Variants in CDH16 observed in about 807,000 individuals in gnomAD.
CDH16 encodes the protein cadherin-16.
CDH16 carries 79 observed loss-of-function variants against 87.6 expected under a neutral mutation model. That is an observed-to-expected ratio of 0.90 (90% CI 0.75 to 1.09). The LOEUF (loss-of-function observed/expected upper bound fraction) is 1.09, where lower values mean the gene tolerates loss of function less well. Ranked by LOEUF, CDH16 falls within the 50% of genes least tolerant of loss-of-function variation. The pLI is 0.00. For missense variants in CDH16, 1,124 were observed against 1,071.7 expected (o/e 1.05, Z -0.68); for synonymous variants, 457 against 439.5 (o/e 1.04, Z -0.50).
At chr16:66,914,031 C>T (rs908452619) in intron 7 of CDH16, among the ~76,000 whole-genome samples, 185 bp downstream of exon 7, 1 of 152,184 alleles carries the variant, frequency 6.6e-6, no homozygotes, top group Non-Finnish European at 1.5e-5. Flanking sequence ...GCAGAGCAGG[C>T]GAGGGGCTGT....
chr16:66,914,478 G>T, intron 6 of CDH16, 66 bp from the exon 7 acceptor site: 1 of 1,213,944 alleles, frequency 8.2e-7, no homozygotes. Flanking sequence ...ATCATTCTCA[G>T]CAAGATACCA....
chr16:66,915,026 T>C (rs910459729), intron 6 of CDH16, among the ~76,000 whole-genome samples, 194 bp downstream of exon 6: 1 of 152,100 alleles, frequency 6.6e-6, no homozygotes, highest in Non-Finnish European at 1.5e-5. Flanking sequence ...AGGCCCTCCA[T>C]TCACACCATT....
At chr16:66,918,225 G>C (rs779495047) in intron 1 of CDH16, 147 bp from the exon 2 acceptor site, 63 of 552,238 alleles carry the variant, frequency 1.1e-4, no homozygotes, top group Non-Finnish European at 9.8e-5. Context: ...CTGCAGGGTA[G>C]TGCCCTGCTC....
Position 66,910,102 on chromosome 16 carries a change from A to G in CDH16, c.2168-9T>C. ...GAGGTAGGCATGGGAACCTTTTGGG[A>G]CAGCAGGCAAAGACCAGGGTCACCA... On this transcript the variant is annotated splice_polypyrimidine_tract_variant and intron_variant, in intron 15 of 17. Coordinates refer to ENST00000299752, the MANE Select transcript of CDH16 (RefSeq NM_004062.4). 1 of 1,605,408 alleles carries G rather than the reference A, an allele frequency of 6.2e-7. No individual in the cohort carries two copies. Among genetic ancestry groups the G allele is most frequent in the Non-Finnish European group, 8.5e-7 (1 of 1,175,198 alleles).
At position 66,913,597 on chromosome 16, in the gene CDH16, C is replaced by T; in HGVS notation, c.797G>A (p.Gly266Asp). 1 of 1,614,064 alleles carries T rather than the reference C, an allele frequency of 6.2e-7. No homozygotes were observed. The highest frequency in any genetic ancestry group is 8.5e-7 in the Non-Finnish European group (1 of 1,179,974). The change falls in exon 8 of 18, where the codon GGT becomes GAT. Residue 266 changes from glycine to aspartate, a missense_variant. Coordinates refer to ENST00000299752, the MANE Select transcript of CDH16 (RefSeq NM_004062.4). Reference sequence around the variant, plus strand: ...GCTCTCCAGGTGATAGTGCACATCACCCCCACTCCAGTGTACCTGGGGGGG... The same window carrying T: ...GCTCTCCAGGTGATAGTGCACATCATCCCCACTCCAGTGTACCTGGGGGGG... ...HHMAQVHWSG[G>D]DVHYHLESHP...
In CDH16 at chr16:66,918,004, G is replaced by A; in HGVS notation, c.45+17C>T. The A allele has an allele frequency of 6.4e-7, 1 of 1,568,088 alleles. No individual in the cohort carries two copies. Among genetic ancestry groups the A allele is most frequent in the Non-Finnish European group, 8.7e-7 (1 of 1,155,816 alleles). The stretch of plus-strand genomic sequence containing the variant: ...CAAAGCCAAGACCTGAAGGAGAGGG[G>A]GCAGGGCCTAGCTCACCTGGGGGAC... On this transcript the variant is annotated intron_variant, in intron 2 of 17. Coordinates refer to ENST00000299752, the MANE Select transcript of CDH16 (RefSeq NM_004062.4).
rs766580176 is a variant in CDH16 at position 66,912,055 on chromosome 16, G to C, written c.1634C>G (p.Pro545Arg). ...VAKLVGPGPG[P>R]GATATVTVLV... ...CACAGTCACCGTGGCGGTGGCTCCA[G>C]GGCCTGGGCCTGGCCCCACCAGCTT... The change falls in exon 13 of 18, where the codon CCT becomes CGT. Residue 545 changes from proline (P) to arginine (R), a missense_variant. Physicochemically the swap from Pro to Arg is moderately radical, Grantham distance 103. Transcript: ENST00000299752. 6.2e-7 allele frequency: 1 copy of C among 1,614,112 alleles called. No homozygotes were observed. The highest frequency in any genetic ancestry group is 1.3e-5 in the African/African-American group (1 of 75,056).
rs373828934 is a variant in CDH16 at position 66,911,071 on chromosome 16, T to C, written c.1924+111A>G. On this transcript the variant is annotated intron_variant, in intron 14 of 17. Coordinates refer to ENST00000299752, the MANE Select transcript of CDH16 (RefSeq NM_004062.4). ...CCAGCTTCATATCTGCCTCTCCTGC[T>C]TGGGGCTGGGGGTTGCCAGTGAGGG... The C allele has an allele frequency of 1.2e-3, 1,279 of 1,072,204 alleles. 7 individuals carry two copies. Among genetic ancestry groups the C allele is most frequent in the Non-Finnish European group, 1.0e-3 (803 of 765,044 alleles). The allele number at this position is 1,072,204 out of a possible 1,614,324, so 66.4% of individuals were successfully genotyped here. A position where few individuals can be genotyped will look rare whatever the true frequency, so the allele number is the denominator to read the frequency against.
intron 17 of CDH16, among the ~76,000 whole-genome samples, 181 bp from the exon 18 acceptor site, chr16:66,908,670 C>T (rs1162909934): frequency 6.6e-6 from 1 of 152,158 alleles, no homozygotes; most frequent in Non-Finnish European, 1.5e-5. Flanking sequence ...CCTCGGCCGG[C>T]TTGGCCCCTA....
Position 66,910,473 on chromosome 16 carries a change from G to A in CDH16, c.1954C>T (p.Leu652=), listed in dbSNP as rs749824907. Residue 652 remains leucine (L), a synonymous_variant, in exon 15 of 18, where the codon CTG becomes TTG. Transcript: ENST00000299752. ...DEPRLSASAP[L]VIHFLKAPPA... ...GGGGCCTTTAGGAAGTGGATCACCA[G>A]GGGTGCAGAAGCGCTCAGTCTCGGC... 2.6e-6 allele frequency: 4 copies of A among 1,561,298 alleles called. No individual in the cohort carries two copies. Among genetic ancestry groups the A allele is most frequent in the African/African-American group, 1.4e-5 (1 of 73,792 alleles).
chr16:66,911,323 C>T lies in CDH16; in HGVS notation c.1791-8G>A, dbSNP rs1398760477. 1 of 1,612,762 alleles carries T rather than the reference C, an allele frequency of 6.2e-7. No homozygotes were observed. Among genetic ancestry groups the T allele is most frequent in the African/African-American group, 1.3e-5 (1 of 74,990 alleles). The stretch of plus-strand genomic sequence containing the variant: ...TCATTGACTAGGGAGAACCTGCCGC[C>T]CAAAGAAGGAGGTGAGGAGGTACTG... On this transcript the variant is annotated splice_region_variant and splice_polypyrimidine_tract_variant and intron_variant, in intron 13 of 17. Transcript: ENST00000299752.
Position 66,913,504 on chromosome 16 carries a change from T to G in CDH16, c.890A>C (p.Glu297Ala). The change falls in exon 8 of 18, where the codon GAA (glutamate) becomes GCA (alanine). Residue 297 changes from glutamate to alanine, a missense_variant. Physicochemically the swap from Glu to Ala is moderately radical, Grantham distance 107 (BLOSUM62 -1). Coordinates refer to ENST00000299752, the MANE Select transcript of CDH16 (RefSeq NM_004062.4). The stretch of plus-strand genomic sequence containing the variant: ...CCTTCATATCACCTCAGCCTGGGCT[T>G]CTCTGTCCAGCTCTCTGGTCACGTA... ...NLYVTRELDR[E>A]AQAEYLLQVR... 6.2e-7 allele frequency: 1 copy of G among 1,614,134 alleles called. No homozygotes were observed. Among genetic ancestry groups the G allele is most frequent in the Non-Finnish European group, 8.5e-7 (1 of 1,180,004 alleles).
Position 66,911,207 on chromosome 16 carries a change from C to T in CDH16, c.1899G>A (p.Thr633=), listed in dbSNP as rs148829305. Residue 633 remains threonine (T), a synonymous_variant, in exon 14 of 18, where the codon ACG becomes ACA. Coordinates refer to ENST00000299752, the MANE Select transcript of CDH16 (RefSeq NM_004062.4). The stretch of plus-strand genomic sequence containing the variant: ...CTGTATCCTGGGCCTCCACAAGCAC[C>T]GTGTAGGTGTCCCCAGGCTGGGCGC... ...LQGAQPGDTY[T]VLVEAQDTDE... 68 of 1,613,208 alleles carry T rather than the reference C, an allele frequency of 4.2e-5. No homozygotes were observed. The highest frequency in any genetic ancestry group is 1.8e-4 in the East Asian group (8 of 44,840).
rs1205203467 is a variant in CDH16, at chr16:66,911,222, AGGCTGGGCGCCCTGCAG to A, written c.1867_1883del (p.Leu623TrpfsTer15). ...CCACAAGCACCGTGTAGGTGTCCCC[AGGCTGGGCGCCCTGCAG>A]GGACTGGGCGGTGTGCACCTCCCCG... On this transcript the variant is annotated frameshift_variant, in exon 14 of 18. Transcript: ENST00000299752. LOFTEE classifies it high-confidence loss of function. 6.2e-7 allele frequency: 1 copy of A among 1,613,520 alleles called. No individual in the cohort carries two copies. Among genetic ancestry groups the A allele is most frequent in the Non-Finnish European group, 8.5e-7 (1 of 1,179,842 alleles).
rs1338602187 is a variant in CDH16, at chr16:66,908,274, C to A, written c.*118G>T. ...TGGTGATGGTGCCTCCACCCCAGGGCAGATGGAGGGGCTTCTACTCTGTCC... is the reference window on the plus strand; with the variant it reads ...TGGTGATGGTGCCTCCACCCCAGGGAAGATGGAGGGGCTTCTACTCTGTCC... On this transcript the variant is annotated 3_prime_UTR_variant, in exon 18 of 18. Transcript: ENST00000299752. The A allele has an allele frequency of 2.6e-6, 2 of 766,626 alleles. No homozygotes were observed. Among genetic ancestry groups the A allele is most frequent in the African/African-American group, 1.7e-5 (1 of 58,490 alleles). The allele number at this position is 766,626 out of a possible 1,614,324, so 47.5% of individuals were successfully genotyped here. A position where few individuals can be genotyped will look rare whatever the true frequency, so the allele number is the denominator to read the frequency against.
In CDH16 at chr16:66,910,040, T is replaced by A. The variant is rs1480639299; in HGVS notation, c.2221A>T (p.Ile741Leu). 6.2e-7 allele frequency: 1 copy of A among 1,613,138 alleles called. No homozygotes were observed. The highest frequency in any genetic ancestry group is 8.5e-7 in the Non-Finnish European group (1 of 1,179,420). Residue 741 changes from isoleucine to leucine, a missense_variant, in exon 16 of 18, where the codon ATA becomes TTA. Transcript: ENST00000299752. ...TTGTGGCTGACCACCACGGGGATTA[T>A]GTGTTCACGTGGCTCCACCCAATGC... is the stretch of plus-strand genomic sequence containing the variant. ...ALHWVEPREH[I>L]IPVVVSHNAQ... is the part of the protein sequence containing the mutation.
At position 66,913,287 on chromosome 16, in the gene CDH16, G is replaced by A. The variant is rs567697338; in HGVS notation, c.904-6C>T. 3 of 1,549,296 alleles carry A rather than the reference G, an allele frequency of 1.9e-6. No individual in the cohort carries two copies. The South Asian group carries it at 3.8e-5, about 19-fold the overall frequency. ...GCCCGCACCTGGAGCAGGTACTGCG[G>A]TGGGCAGTAGGGGGCTTCAGGTCAG... On this transcript the variant is annotated splice_polypyrimidine_tract_variant and splice_region_variant and intron_variant, in intron 8 of 17. Coordinates refer to ENST00000299752, the MANE Select transcript of CDH16 (RefSeq NM_004062.4).
intron 2 of CDH16, 66 bp downstream of exon 2, chr16:66,917,955 G>A: frequency 7.3e-7 from 1 of 1,371,392 alleles, no homozygotes; most frequent in African/African-American, 1.4e-5. Flanking sequence ...TCCAGGTGGA[G>A]TTGGGGGCAA....
rs1441476399 is a variant in CDH16 at position 66,913,614 on chromosome 16, C to T, written c.781-1G>A. On this transcript the variant is annotated splice_acceptor_variant, in intron 7 of 17. Coordinates refer to ENST00000299752, the MANE Select transcript of CDH16 (RefSeq NM_004062.4). LOFTEE classifies it high-confidence loss of function. ...GCACATCACCCCCACTCCAGTGTAC[C>T]TGGGGGGGACACCCCGGGCCAAGGG... The T allele has an allele frequency of 6.2e-7, 1 of 1,613,906 alleles. No homozygotes were observed. Among genetic ancestry groups the T allele is most frequent in the East Asian group, 2.2e-5 (1 of 44,876 alleles).
Sources: allele counts gnomAD v4.1 joint callset (sites outside exome capture counted in the v4.1 genomes callset), GRCh38; gene constraint gnomAD v4.1.1; transcripts MANE v1.5; gene names NCBI Gene and HGNC (gene_info 2026-07-23, HGNC 2026-07-21).